The following WIPI2 variants were observed in gnomAD, a reference collection of about 807,000 sequenced individuals.
The protein encoded by WIPI2 is WD repeat domain phosphoinositide-interacting protein 2.
WIPI2 carries 28 observed loss-of-function variants against 52.3 expected under a neutral mutation model. The ratio of observed to expected loss-of-function variants is 0.54; its 90% confidence interval spans 0.40 to 0.73. The LOEUF (loss-of-function observed/expected upper bound fraction) is 0.73. Among genes scored for constraint, WIPI2 ranks in the 30% least tolerant of loss-of-function variants. The pLI, the probability that WIPI2 is intolerant of heterozygous loss-of-function variation, is 0.00. For synonymous variants in WIPI2, 268 were observed against 245.0 expected (o/e 1.09, Z -0.88); for missense variants, 506 against 602.9 (o/e 0.84, Z 1.68).
intron 7 of WIPI2, 178 bp downstream of exon 7, chr7:5,218,192 G>C (rs1782920473): frequency 1.7e-6 from 1 of 599,398 alleles, no homozygotes; most frequent in Non-Finnish European, 3.0e-6. Flanking sequence ...AGCGGAGCTT[G>C]CAGTGTGCCA....
intron 2 of WIPI2, among the ~76,000 whole-genome samples, chr7:5,198,057 C>T (rs544611500): frequency 2.0e-5 from 3 of 152,306 alleles, no homozygotes; most frequent in South Asian, 2.1e-4. Flanking sequence ...CTCGCAGAAG[C>T]GGGTGATGAG....
At chr7:5,216,382 A>ACT in intron 4 of WIPI2, 181 bp from the exon 5 acceptor site, 5 of 462,808 alleles carry the variant, frequency 1.1e-5, no homozygotes, top group Non-Finnish European at 1.2e-5. Flanking sequence ...CAGTGAGCCG[A>ACT]GATCACACCA....
In WIPI2 at chr7:5,232,124, C is replaced by T. The variant is rs1350685398; in HGVS notation, c.*1177C>T. 1.0e-5 allele frequency: 4 copies of T among 398,826 alleles called. No individual in the cohort carries two copies. The highest frequency in any genetic ancestry group is 1.8e-5 in the Non-Finnish European group (4 of 226,078). The allele number at this position is 398,826 out of a possible 1,614,324, so 24.7% of individuals were successfully genotyped here. Reference sequence around the variant, plus strand: ...CACCCAGCAGCCAAAGTGTCGAGGGCATTTAAGTGGCATTAATGGCAGGAG... The same window carrying T: ...CACCCAGCAGCCAAAGTGTCGAGGGTATTTAAGTGGCATTAATGGCAGGAG... On this transcript the variant is annotated 3_prime_UTR_variant, in exon 13 of 13. Transcript: ENST00000288828.
intron 7 of WIPI2, 58 bp downstream of exon 7, chr7:5,218,072 G>A (rs1258873569): frequency 1.0e-5 from 16 of 1,577,488 alleles, no homozygotes; most frequent in Non-Finnish European, 1.4e-5. Context: ...GACTTTTTCA[G>A]TTCTGTTCAC....
rs765490989 is a variant in WIPI2 at position 5,227,176 on chromosome 7, C to T, written c.849-4C>T. 5.6e-6 allele frequency: 9 copies of T among 1,613,734 alleles called. No homozygotes were observed. The highest frequency in any genetic ancestry group is 7.6e-6 in the Non-Finnish European group (9 of 1,179,970). ...TTCATGTGTCTGGTGGCCTTTCCTTCCAGACCCCCAGAGGAGCCCACCACC... is the reference window on the plus strand; with the variant it reads ...TTCATGTGTCTGGTGGCCTTTCCTTTCAGACCCCCAGAGGAGCCCACCACC... On this transcript the variant is annotated splice_region_variant and splice_polypyrimidine_tract_variant and intron_variant, in intron 9 of 12. Transcript: ENST00000288828. The surrounding 1 kb of genome is among the most constrained non-coding windows in gnomAD (Gnocchi z 8.1).
At chr7:5,200,156 G>T (rs961472261) in intron 3 of WIPI2, among the ~76,000 whole-genome samples, 6 of 152,156 alleles carry the variant, frequency 3.9e-5, no homozygotes, top group African/African-American at 7.2e-5. Flanking sequence ...GTTCTAGATG[G>T]ATTACTTCAT....
intron 7 of WIPI2, among the ~76,000 whole-genome samples, chr7:5,221,769 C>T (rs965412591): frequency 2.6e-5 from 4 of 152,128 alleles, no homozygotes; most frequent in African/African-American, 7.2e-5. Flanking sequence ...AGATTTTCTT[C>T]ATGTGCATCT....
At chr7:5,228,341 A>C in intron 11 of WIPI2, 130 bp downstream of exon 11, 2 of 860,826 alleles carry the variant, frequency 2.3e-6, no homozygotes, top group Non-Finnish European at 3.4e-6. Context: ...ACAGCGGCCC[A>C]TGCCGCGCAG....
intron 3 of WIPI2, among the ~76,000 whole-genome samples, chr7:5,201,439 T>C (rs1782020476): frequency 6.6e-6 from 1 of 152,220 alleles, no homozygotes. Context: ...GATGTCTTGA[T>C]AGTATCTTTT....
At position 5,226,066 on chromosome 7, in the gene WIPI2, G is replaced by A. The variant is rs1783415761; in HGVS notation, c.848+136G>A. On this transcript the variant is annotated intron_variant, in intron 9 of 12. Transcript: ENST00000288828. ...AGTGAAGACCCCGGAGCTGGCCATG[G>A]AGCGAGCACCTCCGCATCCAGGCTC... is the stretch of plus-strand genomic sequence containing the variant. The A allele has an allele frequency of 3.6e-6, 3 of 828,900 alleles. No individual in the cohort carries two copies. The Admixed American group carries it at 6.6e-5, about 18-fold the overall frequency. 51.3% of individuals were successfully genotyped at this position (828,900 alleles called of 1,614,324 possible).
chr7:5,199,444 T>G (rs1781919243), intron 2 of WIPI2, 132 bp from the exon 3 acceptor site: 2 of 699,960 alleles, frequency 2.9e-6, no homozygotes, highest in Non-Finnish European at 5.0e-6. Flanking sequence ...TGTGAAATGA[T>G]TTGCTCTGTG....
rs1484206213 is a variant in WIPI2, at chr7:5,190,395, G to A, written c.-25G>A. On this transcript the variant is annotated 5_prime_UTR_variant, in exon 1 of 13. Coordinates refer to ENST00000288828, the MANE Select transcript of WIPI2 (RefSeq NM_015610.4). ...CCTCGCGCGCGCGCCCTCCCCGGCC[G>A]GGCCCACTCGCCGCGCGCCCAGCCA... 2.9e-6 allele frequency: 4 copies of A among 1,364,174 alleles called. No homozygotes were observed. The highest frequency in any genetic ancestry group is 3.8e-6 in the Non-Finnish European group (4 of 1,053,482). 84.5% of individuals were successfully genotyped at this position (1,364,174 alleles called of 1,614,324 possible).
intron 12 of WIPI2, 85 bp downstream of exon 12, chr7:5,229,823 A>G (rs897866164): frequency 6.5e-7 from 1 of 1,544,760 alleles, no homozygotes; most frequent in Non-Finnish European, 8.8e-7. Context: ...GAGCCACCCC[A>G]CCAGCTCCTC....
intron 1 of WIPI2, among the ~76,000 whole-genome samples, chr7:5,191,001 T>C (rs1781456268): frequency 6.6e-6 from 1 of 151,478 alleles, no homozygotes; most frequent in Admixed American, 6.6e-5. Flanking sequence ...TCACTGTTTT[T>C]TTGTTTGTTT....
rs1174597965 is a variant in WIPI2 at position 5,227,128 on chromosome 7, C to T, written c.849-52C>T. The T allele has an allele frequency of 6.7e-5, 108 of 1,604,758 alleles. No individual in the cohort carries two copies. In the Admixed American group the frequency reaches 9.2e-4, roughly 14 times the overall value. Reference sequence around the variant, plus strand: ...TGCGTCTGTGTGAGTAGGGGGTGGCCGTCCCCCCAGGGAGGGTGCAGCTTC... The same window carrying T: ...TGCGTCTGTGTGAGTAGGGGGTGGCTGTCCCCCCAGGGAGGGTGCAGCTTC... On this transcript the variant is annotated intron_variant, in intron 9 of 12. Coordinates refer to ENST00000288828, the MANE Select transcript of WIPI2 (RefSeq NM_015610.4). The surrounding 1 kb of genome is among the most constrained non-coding windows in gnomAD (Gnocchi z 8.1).
chr7:5,220,768 A>T (rs890974196), intron 7 of WIPI2, among the ~76,000 whole-genome samples: 1 of 151,760 alleles, frequency 6.6e-6, no homozygotes, highest in Non-Finnish European at 1.5e-5. Flanking sequence ...GAGTTACTGC[A>T]TTCAGCTTAG....
Position 5,232,499 on chromosome 7 carries a change from C to A in WIPI2, c.*1552C>A, listed in dbSNP as rs1783772675. The A allele has an allele frequency of 5.0e-6, 2 of 396,352 alleles. No homozygotes were observed. The highest frequency in any genetic ancestry group is 2.9e-4 in the South Asian group (2 of 7,000). 24.6% of individuals were successfully genotyped at this position (396,352 alleles called of 1,614,324 possible). Reference sequence around the variant, plus strand: ...TGCAAGTGGGCTGATTGAACTTTTCCTTCAAAACCTGCTTGTCTGTCCTGG... The same window carrying A: ...TGCAAGTGGGCTGATTGAACTTTTCATTCAAAACCTGCTTGTCTGTCCTGG... On this transcript the variant is annotated 3_prime_UTR_variant, in exon 13 of 13. Transcript: ENST00000288828.
Position 5,207,897 on chromosome 7 carries a change from C to T in WIPI2, c.212-6638C>T, listed in dbSNP as rs184228678. ...TCTCCTCCCTCAGCCTCCCAAGTAG[C>T]TGGGATTACAGGTGTGCACCACCAC... On this transcript the variant is annotated intron_variant, in intron 3 of 12. Coordinates refer to ENST00000288828, the MANE Select transcript of WIPI2 (RefSeq NM_015610.4). Among the ~76,000 whole-genome samples the T allele has an allele frequency of 4.2e-3, 638 of 151,394 alleles. 13 individuals carry two copies. Among genetic ancestry groups the T allele is most frequent in the East Asian group, 2.7e-3 (14 of 5,100 alleles).
chr7:5,229,774 C>G (rs573426570), intron 12 of WIPI2, 36 bp downstream of exon 12: 19 of 1,610,994 alleles, frequency 1.2e-5, no homozygotes, highest in Non-Finnish European at 1.6e-5. Context: ...AGGTAATTAG[C>G]CCCACAGCCC....
Sources: allele counts gnomAD v4.1 joint callset (sites outside exome capture counted in the v4.1 genomes callset), GRCh38; gene constraint gnomAD v4.1.1; non-coding constraint Gnocchi (gnomAD v3.1); transcripts MANE v1.5; gene names NCBI Gene and HGNC (gene_info 2026-07-23, HGNC 2026-07-21).